FOXK2: variants seen among roughly 807,000 people sequenced by gnomAD.
The protein encoded by FOXK2 is forkhead box K2.
A neutral mutation model predicts 53.3 loss-of-function variants in FOXK2; 24 were observed. The observed-to-expected ratio is 0.45, with a 90% CI of 0.33 to 0.63. The LOEUF (loss-of-function observed/expected upper bound fraction) is 0.63, where lower values mean the gene tolerates loss of function less well. Ranked by LOEUF, FOXK2 falls within the 30% of genes least tolerant of loss-of-function variation. The probability of loss-of-function intolerance (pLI) is 0.03; values close to 1 mark genes in which losing one functional copy is unlikely to be tolerated. For missense variants in FOXK2, 952 were observed against 910.5 expected (o/e 1.05, Z -0.59); for synonymous variants, 505 against 407.1 (o/e 1.24, Z -2.89).
At chr17:82,577,098 A>G in intron 4 of FOXK2, 1 of 493,650 alleles carries the variant, frequency 2.0e-6, no homozygotes, top group South Asian at 2.1e-5. Context: ...CATGGCGGAG[A>G]CTGCGGTGAG....
intron 1 of FOXK2, among the ~76,000 whole-genome samples, chr17:82,530,242 G>A (rs565873108): frequency 6.6e-6 from 1 of 152,232 alleles, no homozygotes; most frequent in South Asian, 2.1e-4. Flanking sequence ...TGTCATCCCA[G>A]CACTTTGGGT....
At chr17:82,572,098 G>C in intron 4 of FOXK2, 1 of 386,394 alleles carries the variant, frequency 2.6e-6, no homozygotes, top group Admixed American at 4.5e-5. Flanking sequence ...AGGCCTGCAT[G>C]CTTTACTGTT....
intron 1 of FOXK2, among the ~76,000 whole-genome samples, chr17:82,538,632 T>C (rs944793096): frequency 6.6e-6 from 1 of 152,238 alleles, no homozygotes; most frequent in African/African-American, 2.4e-5. Context: ...CTGTGTATCA[T>C]GTATGGTGTA....
Position 82,563,507 on chromosome 17 carries a change from C to G in FOXK2, c.573C>G (p.Ala191=), listed in dbSNP as rs762851811. ...PLTINIPDTM[A]HLISPLPSPT... is the part of the protein sequence containing the mutation. Reference sequence around the variant, plus strand: ...CCATCAACATTCCAGACACCATGGCCCACCTCATCAGCCCTCTGCCCTCCC... The same window carrying G: ...CCATCAACATTCCAGACACCATGGCGCACCTCATCAGCCCTCTGCCCTCCC... Residue 191 remains alanine (A), a synonymous_variant, in exon 2 of 9, where the codon GCC becomes GCG. Coordinates refer to ENST00000335255, the MANE Select transcript of FOXK2 (RefSeq NM_004514.4). The G allele has an allele frequency of 6.2e-7, 1 of 1,614,062 alleles. No homozygotes were observed. The highest frequency in any genetic ancestry group is 2.2e-5 in the East Asian group (1 of 44,882).
intron 1 of FOXK2, among the ~76,000 whole-genome samples, chr17:82,533,655 C>T (rs1299519251): frequency 6.6e-6 from 1 of 152,144 alleles, no homozygotes; most frequent in Non-Finnish European, 1.5e-5. Flanking sequence ...TAATTCATTG[C>T]ACTATGACAT....
chr17:82,601,237 G>T, intron 8 of FOXK2, 66 bp from the exon 9 acceptor site: 1 of 1,523,522 alleles, frequency 6.6e-7, no homozygotes, highest in South Asian at 1.2e-5. Flanking sequence ...ACGTGAGAGC[G>T]TGGGGTTCTG....
intron 1 of FOXK2, among the ~76,000 whole-genome samples, chr17:82,536,810 C>A (rs546620826): frequency 6.6e-6 from 1 of 152,348 alleles, no homozygotes; most frequent in African/African-American, 2.4e-5. Context: ...CAGGTTTTCG[C>A]CTTAGGCAGT....
intron 4 of FOXK2, among the ~76,000 whole-genome samples, chr17:82,577,710 C>T (rs1168681446): frequency 2.0e-5 from 3 of 152,196 alleles, no homozygotes; most frequent in African/African-American, 7.2e-5. Flanking sequence ...TCCAAAGGGA[C>T]TAGAGCTGGT....
intron 1 of FOXK2, among the ~76,000 whole-genome samples, chr17:82,545,599 T>G (rs1328521847): frequency 2.8e-5 from 4 of 142,592 alleles, no homozygotes; most frequent in Non-Finnish European, 4.8e-5. Context: ...TTTTTTCTTT[T>G]GAGACAGAGT....
In FOXK2 at chr17:82,601,445, C is replaced by T. The variant is rs143079344; in HGVS notation, c.1929C>T (p.Ala643=). 13 of 1,612,474 alleles carry T rather than the reference C, an allele frequency of 8.1e-6. No individual in the cohort carries two copies. The highest frequency in any genetic ancestry group is 5.0e-5 in the Admixed American group (3 of 60,010). ...KTEDGEGIVI[A]LSVDTPPAAV... is the part of the protein sequence containing the mutation. ...AAGACGGCGAGGGCATCGTCATTGC[C>T]CTGAGCGTGGACACGCCACCGGCAG... Residue 643 remains alanine, a synonymous_variant, in exon 9 of 9, where the codon GCC becomes GCT. Coordinates refer to ENST00000335255, the MANE Select transcript of FOXK2 (RefSeq NM_004514.4).
intron 1 of FOXK2, among the ~76,000 whole-genome samples, chr17:82,538,440 G>A (rs1375443993): frequency 6.6e-6 from 1 of 152,168 alleles, no homozygotes; most frequent in Non-Finnish European, 1.5e-5. Context: ...AGCCATGCTC[G>A]TGCCGCTGCG....
At chr17:82,535,753 T>G (rs1215736086) in intron 1 of FOXK2, among the ~76,000 whole-genome samples, 1 of 149,902 alleles carries the variant, frequency 6.7e-6, no homozygotes, top group Admixed American at 6.6e-5. Flanking sequence ...TTTTTGTTTT[T>G]GTTTTTTTTT....
chr17:82,573,674 G>A (rs2143049243), intron 4 of FOXK2, among the ~76,000 whole-genome samples: 1 of 152,196 alleles, frequency 6.6e-6, no homozygotes, highest in East Asian at 1.9e-4. Context: ...AACTCCACAT[G>A]GGGTCCAGCT....
chr17:82,552,077 A>G (rs1044932996), intron 1 of FOXK2, among the ~76,000 whole-genome samples: 1 of 152,126 alleles, frequency 6.6e-6, no homozygotes, highest in Non-Finnish European at 1.5e-5. Context: ...GTGGCTTCCA[A>G]ACACTCTCCA....
At chr17:82,587,011 T>G (rs2045186507) in intron 7 of FOXK2, 52 bp from the exon 8 acceptor site, 2 of 1,567,650 alleles carry the variant, frequency 1.3e-6, no homozygotes, top group African/African-American at 1.3e-5. Context: ...CTGGCAAGAT[T>G]TTTATTTGCT....
intron 4 of FOXK2, among the ~76,000 whole-genome samples, chr17:82,581,380 A>G (rs922599378): frequency 5.9e-5 from 9 of 151,432 alleles, no homozygotes; most frequent in Admixed American, 3.9e-4. Context: ...GCTCACTGCA[A>G]CCTCCTCCTC....
chr17:82,542,308 C>T (rs550364259), intron 1 of FOXK2, among the ~76,000 whole-genome samples: 82 of 151,886 alleles, frequency 5.4e-4, no homozygotes, highest in African/African-American at 1.9e-3. Flanking sequence ...ATTACAGGTG[C>T]GCACTACCAG....
rs140317010 is a variant in FOXK2 at position 82,535,788 on chromosome 17, C to T, written c.419+15481C>T. On this transcript the variant is annotated intron_variant, in intron 1 of 8. Transcript: ENST00000335255. ...TTGAGATGGAGTTTCACTTTTGTTG[C>T]CCAGGCTGGAGTGCAGTGGCGCGAT... 2.1e-5 allele frequency among the ~76,000 whole-genome samples: 3 copies of T among 141,178 alleles called. No homozygotes were observed. The South Asian group carries it at 6.8e-4, about 32-fold the overall frequency. 92.6% of individuals were successfully genotyped at this position (141,178 alleles called of 152,430 possible).
intron 2 of FOXK2, among the ~76,000 whole-genome samples, chr17:82,564,940 G>C (rs1598214796): frequency 6.6e-6 from 1 of 151,942 alleles, no homozygotes; most frequent in South Asian, 2.1e-4. Flanking sequence ...ATGTTGGTCA[G>C]GGTGGTCTTG....
Sources: gnomAD v4.1 joint callset for allele counts (sites outside exome capture counted in the v4.1 genomes callset) on GRCh38, gnomAD v4.1.1 for gene constraint, MANE v1.5 for transcripts, NCBI Gene and HGNC (gene_info 2026-07-23, HGNC 2026-07-21) for gene names.